LRRC4C: variants seen among roughly 807,000 people sequenced by gnomAD.
The protein encoded by LRRC4C is leucine-rich repeat-containing protein 4C.
LRRC4C carries 5 observed loss-of-function variants against 33.6 expected under a neutral mutation model. That is an observed-to-expected ratio of 0.15 (90% CI 0.08 to 0.31). The LOEUF (loss-of-function observed/expected upper bound fraction) is 0.31. Ranked by LOEUF, LRRC4C falls within the 10% of genes least tolerant of loss-of-function variation. The pLI is 1.00. For missense variants in LRRC4C, 560 were observed against 796.7 expected, an observed-to-expected ratio of 0.70 and a Z score of 3.58; for synonymous variants, 329 against 302.0, an observed-to-expected ratio of 1.09 and a Z score of -0.93.
intron 5 of LRRC4C, among the ~76,000 whole-genome samples, chr11:40,157,732 G>A (rs925305686): frequency 6.6e-6 from 1 of 152,056 alleles, no homozygotes; most frequent in Non-Finnish European, 1.5e-5. Flanking sequence ...CTGCAAGAAT[G>A]GCCATAATCA....
At chr11:41,453,288 TG>T (rs983115431) in intron 1 of LRRC4C, among the ~76,000 whole-genome samples, 1 of 152,152 alleles carries the variant, frequency 6.6e-6, no homozygotes, top group Non-Finnish European at 1.5e-5. Context: ...AATAGAGATC[TG>T]CCTCAACTTA....
chr11:40,595,961 G>A (rs889775411), intron 3 of LRRC4C, among the ~76,000 whole-genome samples: 7 of 152,132 alleles, frequency 4.6e-5, no homozygotes, highest in African/African-American at 1.7e-4. Flanking sequence ...CAGAGAAATA[G>A]CAGGATAGTT....
intron 2 of LRRC4C, among the ~76,000 whole-genome samples, chr11:40,700,244 A>C (rs568823445): frequency 6.6e-6 from 1 of 152,276 alleles, no homozygotes; most frequent in African/African-American, 2.4e-5. Flanking sequence ...AACGTGAGAC[A>C]GTCTTTGGAT....
chr11:40,662,060 A>G (rs776455978), intron 2 of LRRC4C, among the ~76,000 whole-genome samples: 8 of 152,244 alleles, frequency 5.3e-5, no homozygotes, highest in Non-Finnish European at 1.0e-4. Flanking sequence ...TAGATACCTA[A>G]TGAATGGAGG....
intron 2 of LRRC4C, among the ~76,000 whole-genome samples, chr11:40,920,891 C>T (rs988943796): frequency 6.6e-6 from 1 of 150,892 alleles, no homozygotes; most frequent in African/African-American, 2.4e-5. Flanking sequence ...GAAGATTATC[C>T]TGGATTATCC....
intron 2 of LRRC4C, among the ~76,000 whole-genome samples, chr11:40,849,753 C>T (rs968587432): frequency 1.3e-5 from 2 of 151,980 alleles, no homozygotes; most frequent in Admixed American, 6.6e-5. Context: ...TTCCATTCTC[C>T]CTGTCACTTT....
chr11:41,291,182 C>T (rs1949982116), intron 1 of LRRC4C, among the ~76,000 whole-genome samples: 1 of 152,060 alleles, frequency 6.6e-6, no homozygotes, highest in Non-Finnish European at 1.5e-5. Flanking sequence ...AATATTCAAA[C>T]TTTGCAATGA....
At chr11:40,372,809 C>A (rs1948507268) in intron 3 of LRRC4C, among the ~76,000 whole-genome samples, 2 of 152,264 alleles carry the variant, frequency 1.3e-5, no homozygotes, top group South Asian at 4.1e-4. Context: ...CATTGCTGAC[C>A]TTCTGGCCAC....
At chr11:40,119,887 G>T (rs1005651457) in intron 6 of LRRC4C, among the ~76,000 whole-genome samples, 1 of 151,994 alleles carries the variant, frequency 6.6e-6, no homozygotes, top group African/African-American at 2.4e-5. Context: ...CCATTCCCCT[G>T]CCCTAATCAC....
rs139506518 is a variant in LRRC4C at position 40,649,758 on chromosome 11, G to A, written c.-406-1480C>T. Among the ~76,000 whole-genome samples, 1,259 of 152,258 alleles carry A rather than the reference G, an allele frequency of 8.3e-3. 8 individuals carry two copies. The highest frequency in any genetic ancestry group is 0.011 in the Non-Finnish European group (774 of 68,028). ...ATGTTCAGAGATTGAAGTAAAGACA[G>A]GAGTAAGAAATTATAAAAGTATTAT... On this transcript the variant is annotated intron_variant, in intron 2 of 6. Transcript: ENST00000528697.
intron 4 of LRRC4C, among the ~76,000 whole-genome samples, chr11:40,285,863 G>A (rs1943799169): frequency 6.6e-6 from 1 of 152,124 alleles, no homozygotes; most frequent in South Asian, 2.1e-4. Context: ...GGGTTCTCAA[G>A]TCAGCAGATA....
chr11:40,665,933 A>G lies in LRRC4C; in HGVS notation c.-406-17655T>C, dbSNP rs565926798. 7.9e-5 allele frequency among the ~76,000 whole-genome samples: 12 copies of G among 152,238 alleles called. No individual in the cohort carries two copies. The East Asian group carries it at 1.4e-3, about 17-fold the overall frequency. ...ATGTTATTTATGTATATACAAATAC[A>G]TAAGTGTTATTTATATATGTGTATA... On this transcript the variant is annotated intron_variant, in intron 2 of 6. Transcript: ENST00000528697.
intron 3 of LRRC4C, among the ~76,000 whole-genome samples, chr11:40,370,350 G>GT (rs1455010349): frequency 6.6e-6 from 1 of 152,162 alleles, no homozygotes; most frequent in Non-Finnish European, 1.5e-5. Flanking sequence ...GCTGCATATG[G>GT]TACAGGAGGT....
At chr11:40,826,682 T>C (rs1952182413) in intron 2 of LRRC4C, among the ~76,000 whole-genome samples, 1 of 151,986 alleles carries the variant, frequency 6.6e-6, no homozygotes, top group African/African-American at 2.4e-5. Context: ...CTAGCCTTGA[T>C]ACTAATTGGA....
chr11:40,787,086 C>T (rs539454387), intron 2 of LRRC4C, among the ~76,000 whole-genome samples: 29 of 152,266 alleles, frequency 1.9e-4, no homozygotes, highest in Admixed American at 1.2e-3. Context: ...TGAAGAGCCA[C>T]ATAGTAGTTC....
intron 1 of LRRC4C, among the ~76,000 whole-genome samples, chr11:41,223,449 T>G (rs958083892): frequency 4.6e-5 from 7 of 152,330 alleles, no homozygotes; most frequent in Non-Finnish European, 8.8e-5. Flanking sequence ...ACACAATTAT[T>G]TATTCATTCA....
At chr11:40,975,453 C>T (rs766728572) in intron 1 of LRRC4C, among the ~76,000 whole-genome samples, 4 of 152,214 alleles carry the variant, frequency 2.6e-5, no homozygotes, top group Non-Finnish European at 4.4e-5. Flanking sequence ...TTTCTCAATG[C>T]TCTTTCTTCA....
intron 1 of LRRC4C, among the ~76,000 whole-genome samples, chr11:40,962,261 G>A (rs936383350): frequency 6.6e-6 from 1 of 151,596 alleles, no homozygotes; most frequent in African/African-American, 2.4e-5. Context: ...AAGCAATGGA[G>A]GGAGGTTCTA....
intron 3 of LRRC4C, among the ~76,000 whole-genome samples, chr11:40,544,431 C>T (rs943873050): frequency 1.3e-5 from 2 of 152,106 alleles, no homozygotes; most frequent in Non-Finnish European, 2.9e-5. Flanking sequence ...TGACGACACA[C>T]AGTTTCTTCA....
Sources: allele counts gnomAD v4.1 joint callset (sites outside exome capture counted in the v4.1 genomes callset), GRCh38; gene constraint gnomAD v4.1.1; transcripts MANE v1.5; gene names NCBI Gene and HGNC (gene_info 2026-07-23, HGNC 2026-07-21).